CLCNKA: variants seen among roughly 807,000 people sequenced by gnomAD.
CLCNKA encodes the protein chloride voltage-gated channel Ka.
A neutral mutation model predicts 83.3 loss-of-function variants in CLCNKA; 66 were observed. The observed-to-expected ratio is 0.79, with a 90% CI of 0.65 to 0.97. CLCNKA has a LOEUF of 0.97. CLCNKA is among the 50% of genes least tolerant of loss of function. The pLI, the probability that CLCNKA is intolerant of heterozygous loss-of-function variation, is 0.00. For missense variants in CLCNKA, 806 were observed against 888.7 expected, an observed-to-expected ratio of 0.91 and a Z score of 1.18; for synonymous variants, 357 against 370.4, an observed-to-expected ratio of 0.96 and a Z score of 0.42.
At chr1:16,026,077 C>G in intron 4 of CLCNKA, 31 bp from the exon 5 acceptor site, 1 of 1,612,020 alleles carries the variant, frequency 6.2e-7, no homozygotes, top group Non-Finnish European at 8.5e-7. Context: ...TAGAGATTGT[C>G]CCCTGCTTGT....
Position 16,032,061 on chromosome 1 carries a change from G to C in CLCNKA, c.1757-142G>C. 3.5e-6 allele frequency: 4 copies of C among 1,150,304 alleles called. 1 individual carries two copies. Among genetic ancestry groups the C allele is most frequent in the Non-Finnish European group, 2.6e-6 (2 of 774,982 alleles). 71.3% of individuals were successfully genotyped at this position (1,150,304 alleles called of 1,614,324 possible). A position where few individuals can be genotyped will look rare whatever the true frequency, so the allele number is the denominator to read the frequency against. ...GGGGTGGTTGACATGTCTAAAGAGAGTCGGCTGGGTGCTTGTAAGGCAGTC... is the reference window on the plus strand; with the variant it reads ...GGGGTGGTTGACATGTCTAAAGAGACTCGGCTGGGTGCTTGTAAGGCAGTC... On this transcript the variant is annotated intron_variant, in intron 16 of 19. Coordinates refer to ENST00000331433, the MANE Select transcript of CLCNKA (RefSeq NM_004070.4).
At chr1:16,023,701 C>A in intron 2 of CLCNKA, 99 bp from the exon 3 acceptor site, 1 of 1,470,452 alleles carries the variant, frequency 6.8e-7, no homozygotes, top group Non-Finnish European at 9.4e-7. Flanking sequence ...GACTCAACTA[C>A]CAGGGTCCTC....
In CLCNKA at chr1:16,027,418, T is replaced by C; in HGVS notation, c.764T>C (p.Val255Ala). 1.2e-6 allele frequency: 2 copies of C among 1,614,022 alleles called. No homozygotes were observed. Among genetic ancestry groups the C allele is most frequent in the Non-Finnish European group, 1.7e-6 (2 of 1,179,960 alleles). The change falls in exon 8 of 20, where the codon GTC becomes GCC. Residue 255 changes from valine (V) to alanine (A), a missense_variant. Coordinates refer to ENST00000331433, the MANE Select transcript of CLCNKA (RefSeq NM_004070.4). ...GCCTTCATATTCCGGCTCCTGGCAGTCTTCAACAGCGAGCAGGGTGAGCCC... is the reference window on the plus strand; with the variant it reads ...GCCTTCATATTCCGGCTCCTGGCAGCCTTCAACAGCGAGCAGGGTGAGCCC... ...CGAFIFRLLA[V>A]FNSEQETITS...
At chr1:16,027,955 G>C in intron 9 of CLCNKA, 50 bp downstream of exon 9, 1 of 1,614,002 alleles carries the variant, frequency 6.2e-7, no homozygotes, top group Non-Finnish European at 8.5e-7. Context: ...TTCCCCCCAA[G>C]GCCTGGACTG....
At chr1:16,026,045 C>G in intron 4 of CLCNKA, 63 bp from the exon 5 acceptor site, 1 of 1,608,134 alleles carries the variant, frequency 6.2e-7, no homozygotes, top group Middle Eastern at 2.3e-4. Flanking sequence ...TGAGCCACTG[C>G]GCCTGGCAGA....
intron 19 of CLCNKA, 58 bp from the exon 20 acceptor site, chr1:16,033,553 C>T (rs553067031): frequency 8.2e-6 from 5 of 611,798 alleles, no homozygotes; most frequent in African/African-American, 2.1e-5. Flanking sequence ...AATGCTGGAG[C>T]CCCCCTCACA....
rs149627551 is a variant in CLCNKA at position 16,030,541 on chromosome 1, C to T, written c.1489C>T (p.His497Tyr). Reference sequence around the variant, plus strand: ...CTTTGAGCTGACCGGCCAGATAGTGCATGCACTGCCCGTGCTGATGGCGGT... The same window carrying T: ...CTTTGAGCTGACCGGCCAGATAGTGTATGCACTGCCCGTGCTGATGGCGGT... ...LAFELTGQIVHALPVLMAVLA... is the reference protein window; with the variant it reads ...LAFELTGQIVYALPVLMAVLA... Residue 497 changes from histidine (H) to tyrosine (Y), a missense_variant, in exon 15 of 20, where the codon CAT becomes TAT. Coordinates refer to ENST00000331433, the MANE Select transcript of CLCNKA (RefSeq NM_004070.4). The T allele has an allele frequency of 8.7e-6, 14 of 1,613,042 alleles. No homozygotes were observed. In the African/African-American group the frequency reaches 1.9e-4, roughly 22 times the overall value.
rs1250016962 is a variant in CLCNKA, at chr1:16,026,531, T to C, written c.499-5T>C. 4.3e-6 allele frequency: 7 copies of C among 1,613,780 alleles called. No individual in the cohort carries two copies. Among genetic ancestry groups the C allele is most frequent in the Non-Finnish European group, 5.9e-6 (7 of 1,180,018 alleles). On this transcript the variant is annotated splice_polypyrimidine_tract_variant and splice_region_variant and intron_variant, in intron 5 of 19. Transcript: ENST00000331433. ...CCTCACCTGGGCCCACCCTTCCCTC[T>C]GCAGGGCCCTTTCGTGCACCTGTCT... is the stretch of plus-strand genomic sequence containing the variant.
At chr1:16,028,612 C>T in intron 10 of CLCNKA, 149 bp from the exon 11 acceptor site, 2 of 985,304 alleles carry the variant, frequency 2.0e-6, no homozygotes, top group Non-Finnish European at 3.2e-6. Context: ...GCCATGTTCC[C>T]TGCTCCCGCC....
intron 19 of CLCNKA, 148 bp from the exon 20 acceptor site, chr1:16,033,463 C>T (rs1053373505): frequency 1.5e-5 from 14 of 911,286 alleles, no homozygotes; most frequent in South Asian, 6.0e-5. Flanking sequence ...CTGCCCTTCT[C>T]GGCCTCAGTG....
intron 12 of CLCNKA, 39 bp downstream of exon 12, chr1:16,029,338 C>G (rs561284202): frequency 2.9e-5 from 47 of 1,613,274 alleles, no homozygotes; most frequent in Non-Finnish European, 4.0e-5. Context: ...AGAGCCAGGA[C>G]CAGCTCTGGT....
chr1:16,031,589 C>A, intron 15 of CLCNKA, 121 bp from the exon 16 acceptor site: 1 of 1,428,230 alleles, frequency 7.0e-7, no homozygotes, highest in Non-Finnish European at 9.7e-7. Flanking sequence ...ACCTCTCCAG[C>A]CCTGCTCACA....
chr1:16,027,946 T>C (rs1557451975), intron 9 of CLCNKA, 41 bp downstream of exon 9: 1 of 1,532,118 alleles, frequency 6.5e-7, no homozygotes, highest in Admixed American at 1.7e-5. Context: ...CAAAAGGCAT[T>C]CCCCCCAAGG....
At chr1:16,031,175 G>A (rs370439269) in intron 15 of CLCNKA, among the ~76,000 whole-genome samples, 12 of 152,220 alleles carry the variant, frequency 7.9e-5, no homozygotes, top group South Asian at 4.1e-4. Context: ...CTGAGAGTCC[G>A]AATCGGAGGC....
Position 16,031,818 on chromosome 1 carries a change from C to T in CLCNKA, c.1731C>T (p.Thr577=), listed in dbSNP as rs1377170022. Residue 577 remains threonine (T), a synonymous_variant, in exon 16 of 20, where the codon ACC becomes ACT. Transcript: ENST00000331433. The stretch of plus-strand genomic sequence containing the variant: ...AGGTTGTGACCTCCACAGACGTGAC[C>T]GAGTATCCCCTGGTGGAGAGCACAG... The part of the protein sequence containing the change: ...VVKVVTSTDV[T]EYPLVESTES... 18 of 1,613,760 alleles carry T rather than the reference C, an allele frequency of 1.1e-5. No homozygotes were observed. The highest frequency in any genetic ancestry group is 4.4e-5 in the South Asian group (4 of 91,082).
Position 16,026,566 on chromosome 1 carries a change from G to C in CLCNKA, c.529G>C (p.Ala177Pro). ...TTTCGTGCACCTGTCTGTAATGATCGCTGCCTACCTGGGCCGTGTGCGCAC... is the reference window on the plus strand; with the variant it reads ...TTTCGTGCACCTGTCTGTAATGATCCCTGCCTACCTGGGCCGTGTGCGCAC... Reference protein sequence around the residue: ...GPFVHLSVMIAAYLGRVRTTT... With the variant: ...GPFVHLSVMIPAYLGRVRTTT... The change falls in exon 6 of 20, where the codon GCT (alanine) becomes CCT (proline). Residue 177 changes from alanine (A) to proline (P), a missense_variant. Coordinates refer to ENST00000331433, the MANE Select transcript of CLCNKA (RefSeq NM_004070.4). 6.2e-7 allele frequency: 1 copy of C among 1,614,040 alleles called. No individual in the cohort carries two copies. The highest frequency in any genetic ancestry group is 8.5e-7 in the Non-Finnish European group (1 of 1,180,008).
Position 16,026,595 on chromosome 1 carries a change from G to T in CLCNKA, c.558G>T (p.Thr186=), listed in dbSNP as rs1465451821. 3.7e-6 allele frequency: 6 copies of T among 1,613,942 alleles called. No individual in the cohort carries two copies. Among genetic ancestry groups the T allele is most frequent in the Non-Finnish European group, 5.1e-6 (6 of 1,180,034 alleles). The change falls in exon 6 of 20, where the codon ACG becomes ACT. Residue 186 remains threonine (T), a synonymous_variant. Coordinates refer to ENST00000331433, the MANE Select transcript of CLCNKA (RefSeq NM_004070.4). The part of the protein sequence containing the change: ...IAAYLGRVRT[T]TIGEPENKSK... The stretch of plus-strand genomic sequence containing the variant: ...CCTACCTGGGCCGTGTGCGCACCAC[G>T]ACCATCGGGGAGCCTGAGGTTAGGG...
chr1:16,023,697 A>T lies in CLCNKA; in HGVS notation c.101-103A>T, dbSNP rs916941529. 4 of 1,435,726 alleles carry T rather than the reference A, an allele frequency of 2.8e-6. No individual in the cohort carries two copies. The East Asian group carries it at 9.5e-5, about 34-fold the overall frequency. The allele number at this position is 1,435,726 out of a possible 1,614,324, so 88.9% of individuals were successfully genotyped here. A position where few individuals can be genotyped will look rare whatever the true frequency, so the allele number is the denominator to read the frequency against. ...CCCCCTCAGGACTACCCCAGACTCA[A>T]CTACCAGGGTCCTCCCTGCCTGGAG... On this transcript the variant is annotated intron_variant, in intron 2 of 19. Transcript: ENST00000331433.
At position 16,022,687 on chromosome 1, in the gene CLCNKA, GC is replaced by G; in HGVS notation, c.72del (p.Cys25ValfsTer15). 1.3e-6 allele frequency: 2 copies of G among 1,553,788 alleles called. No individual in the cohort carries two copies. The highest frequency in any genetic ancestry group is 1.7e-6 in the Non-Finnish European group (2 of 1,149,332). On this transcript the variant is annotated frameshift_variant, in exon 2 of 20. Transcript: ENST00000331433. LOFTEE classifies it high-confidence loss of function. The part of the protein sequence containing the change: ...GDPVTLQELW[G>X]PCPHIRRAIQ... ...CCTGTGACTCTGCAGGAGCTGTGGG[GC>G]CCCTGTCCCCACATCCGCCGAGCCA... is the stretch of plus-strand genomic sequence containing the variant.
Sources: gnomAD v4.1 joint callset for allele counts (sites outside exome capture counted in the v4.1 genomes callset) on GRCh38, gnomAD v4.1.1 for gene constraint, MANE v1.5 for transcripts, NCBI Gene and HGNC (gene_info 2026-07-23, HGNC 2026-07-21) for gene names.